The following ACSM3 variants were observed in gnomAD, a reference collection of about 807,000 sequenced individuals.
ACSM3 encodes the protein acyl-CoA synthetase medium chain family member 3.
Under a neutral mutation model 74.1 loss-of-function variants are expected in ACSM3, and 61 were observed. That is an observed-to-expected ratio of 0.82 (90% confidence interval 0.67 to 1.02). The LOEUF is 1.02. Among genes scored for constraint, ACSM3 ranks in the 50% least tolerant of loss-of-function variants. The probability of loss-of-function intolerance (pLI) is 0.00; values close to 1 mark genes in which losing one functional copy is unlikely to be tolerated. For missense variants in ACSM3, 660 were observed against 697.0 expected (o/e 0.95, Z 0.60); for synonymous variants, 213 against 241.5 (o/e 0.88, Z 1.09).
intron 1 of ACSM3, chr16:20,676,019 G>C (rs1297482721): frequency 6.6e-6 from 1 of 152,238 alleles, no homozygotes; most frequent in African/African-American, 2.4e-5. Flanking sequence ...AGAACCACAG[G>C]AGGGAATAGA....
intron 1 of ACSM3, among the ~76,000 whole-genome samples, chr16:20,676,988 TC>T (rs796444950): frequency 9.2e-5 from 14 of 152,094 alleles, no homozygotes; most frequent in African/African-American, 3.4e-4. Flanking sequence ...TCTAAAAGTC[TC>T]CAGTATTTAA....
At chr16:20,751,791 A>G (rs1339607023) in intron 2 of ACSM3, among the ~76,000 whole-genome samples, 1 of 152,210 alleles carries the variant, frequency 6.6e-6, no homozygotes, top group Non-Finnish European at 1.5e-5. Flanking sequence ...ATGAGAAGGC[A>G]AAAATCACAT....
intron 1 of ACSM3, chr16:20,727,593 T>C (rs571629553): frequency 8.0e-6 from 2 of 249,816 alleles, no homozygotes; most frequent in African/African-American, 4.7e-5. Context: ...GTATACCTCA[T>C]CTTGCCAGTA....
rs562444756 is a variant in ACSM3 at position 20,717,992 on chromosome 16, A to G, written c.-189-31918A>G. Among the ~76,000 whole-genome samples, 870 of 144,772 alleles carry G rather than the reference A, an allele frequency of 6.0e-3. 17 individuals carry two copies. Among genetic ancestry groups the G allele is most frequent in the South Asian group, 0.012 (53 of 4,582 alleles). The allele number at this position is 144,772 out of a possible 152,430, so 95.0% of individuals were successfully genotyped here. On this transcript the variant is annotated intron_variant, in intron 1 of 3. Transcript: ENST00000561584. ...AAGAAGAAGAAGAAGAAGAAGAAGA[A>G]GAAGAAGAAGAAGAAGAAGAAGAAG...
At chr16:20,734,881 C>A (rs1404701412) in intron 1 of ACSM3, 3 of 152,204 alleles carry the variant, frequency 2.0e-5, no homozygotes, top group Admixed American at 2.0e-4. Context: ...GACAAAATTT[C>A]AAGCTGAGCA....
upstream of ACSM3, among the ~76,000 whole-genome samples, chr16:20,759,517 G>A (rs564302504): frequency 3.5e-5 from 5 of 143,218 alleles, no homozygotes; most frequent in Admixed American, 7.4e-5. Context: ...CCGAGATCAC[G>A]CCACTGCACT....
intron 3 of ACSM3, among the ~76,000 whole-genome samples, chr16:20,758,362 G>A (rs1348474699): frequency 3.9e-5 from 6 of 152,166 alleles, no homozygotes; most frequent in African/African-American, 4.8e-5. Flanking sequence ...TTTAGCCTTC[G>A]GAGAGTGTAT....
At chr16:20,782,272 G>C (rs1264202813) in intron 7 of ACSM3, among the ~76,000 whole-genome samples, 1 of 151,910 alleles carries the variant, frequency 6.6e-6, no homozygotes, top group Admixed American at 6.6e-5. Flanking sequence ...TAGGGTTTTG[G>C]GAAACAGGTG....
At chr16:20,758,323 G>A (rs1488404719) in intron 3 of ACSM3, among the ~76,000 whole-genome samples, 3 of 152,176 alleles carry the variant, frequency 2.0e-5, no homozygotes, top group Non-Finnish European at 2.9e-5. Flanking sequence ...CCTGTTATTG[G>A]TCTATTCAGA....
At chr16:20,711,902 T>C (rs138325772) in intron 1 of ACSM3, among the ~76,000 whole-genome samples, 117 of 152,276 alleles carry the variant, frequency 7.7e-4, no homozygotes, top group African/African-American at 2.5e-3. Context: ...TATCCTGCAT[T>C]ATATGGCTCT....
Position 20,777,520 on chromosome 16 carries a change from C to A in ACSM3, c.578C>A (p.Ser193Tyr). 6.2e-7 allele frequency: 1 copy of A among 1,614,086 alleles called. No homozygotes were observed. The highest frequency in any genetic ancestry group is 8.5e-7 in the Non-Finnish European group (1 of 1,180,016). Residue 193 changes from serine (S) to tyrosine (Y), a missense_variant, in exon 4 of 14, where the codon TCC becomes TAC. Ser to Tyr is a moderately radical substitution (Grantham distance 144). Coordinates refer to ENST00000289416, the MANE Select transcript of ACSM3 (RefSeq NM_005622.4). ...AVASKCENLH[S>Y]KLIVSENSRE... ...GCATCCAAATGTGAAAATCTGCACTCCAAGCTGATTGTATCAGAGAACTCC... is the reference window on the plus strand; with the variant it reads ...GCATCCAAATGTGAAAATCTGCACTACAAGCTGATTGTATCAGAGAACTCC...
chr16:20,685,110 T>C, intron 1 of ACSM3: 1 of 1,458,030 alleles, frequency 6.9e-7, no homozygotes, highest in Non-Finnish European at 9.6e-7. Context: ...AGTGCCAGGC[T>C]GGGTGCACAG....
At chr16:20,736,605 G>A (rs1021751240) in intron 1 of ACSM3, 4 of 370,086 alleles carry the variant, frequency 1.1e-5, no homozygotes, top group Non-Finnish European at 2.0e-5. Flanking sequence ...AGCTGGCACT[G>A]CAGAAGAGGA....
intron 1 of ACSM3, chr16:20,691,326 T>G (rs1412081988): frequency 1.5e-6 from 1 of 666,426 alleles, no homozygotes; most frequent in Non-Finnish European, 2.4e-6. Flanking sequence ...TTGCTACAGT[T>G]ATAGCTTTGT....
At chr16:20,718,363 G>A (rs2152388651) in intron 1 of ACSM3, 1 of 950,390 alleles carries the variant, frequency 1.1e-6, no homozygotes, top group Non-Finnish European at 1.4e-6. Flanking sequence ...CGCCTCTGAA[G>A]AGCACAGCTG....
intron 1 of ACSM3, among the ~76,000 whole-genome samples, chr16:20,716,727 C>G (rs1445172145): frequency 6.6e-6 from 1 of 152,202 alleles, no homozygotes; most frequent in Non-Finnish European, 1.5e-5. Flanking sequence ...AGTGTGGGCT[C>G]CTAGAGCTCA....
chr16:20,765,596 G>A (rs1236089839), intron 1 of ACSM3, among the ~76,000 whole-genome samples: 1 of 152,068 alleles, frequency 6.6e-6, no homozygotes, highest in Non-Finnish European at 1.5e-5. Flanking sequence ...ATTATTTAAT[G>A]TCTTCCTTAA....
At chr16:20,781,854 A>T in intron 7 of ACSM3, 67 bp downstream of exon 7, 4 of 1,263,844 alleles carry the variant, frequency 3.2e-6, no homozygotes, top group East Asian at 2.3e-5. Context: ...AAAATAAAAG[A>T]TCTTTCTGCC....
intron 1 of ACSM3, among the ~76,000 whole-genome samples, chr16:20,684,421 A>G (rs2152316792): frequency 6.6e-6 from 1 of 152,378 alleles, no homozygotes; most frequent in African/African-American, 2.4e-5. Context: ...GTGATAAAAC[A>G]GTATAACTGA....
Sources: allele counts gnomAD v4.1 joint callset (sites outside exome capture counted in the v4.1 genomes callset), GRCh38; gene constraint gnomAD v4.1.1; transcripts MANE v1.5; gene names NCBI Gene and HGNC (gene_info 2026-07-23, HGNC 2026-07-21).